Variants in ATP9B observed in about 807,000 individuals in gnomAD.
The protein encoded by ATP9B is ATPase phospholipid transporting 9B, also known as probable phospholipid-transporting ATPase IIB.
ATP9B carries 110 observed loss-of-function variants against 146.1 expected under a neutral mutation model. The ratio of observed to expected loss-of-function variants is 0.75; its 90% CI spans 0.65 to 0.88. The LOEUF (loss-of-function observed/expected upper bound fraction) is 0.88. Ranked by LOEUF, ATP9B falls within the 40% of genes least tolerant of loss-of-function variation. The pLI is 0.00. For missense variants in ATP9B, 1,499 were observed against 1,496.4 expected (o/e 1.00, Z -0.03); for synonymous variants, 604 against 569.7 (o/e 1.06, Z -0.86).
chr18:79,345,295 A>G, intron 21 of ATP9B, 133 bp from the exon 22 acceptor site: 1 of 1,089,664 alleles, frequency 9.2e-7, no homozygotes, highest in Non-Finnish European at 1.3e-6. Context: ...GAAATGATTC[A>G]CAGAAAACTG....
intron 6 of ATP9B, among the ~76,000 whole-genome samples, chr18:79,150,266 G>A (rs1455170787): frequency 6.6e-6 from 1 of 151,838 alleles, no homozygotes; most frequent in Non-Finnish European, 1.5e-5. Context: ...ATTGCTTGTG[G>A]AAATACAAAT....
rs115690305 is a variant in ATP9B, at chr18:79,322,742, T to A, written c.1774-6399T>A. On this transcript the variant is annotated intron_variant, in intron 15 of 29. Transcript: ENST00000426216. ...AGTCAAAATTTGCTAATTTCATTTA[T>A]TTTCAGCAAAAGGAAGACACATCAA... Among the ~76,000 whole-genome samples the A allele has an allele frequency of 6.6e-3, 999 of 152,320 alleles. 5 individuals are homozygous for A. Among genetic ancestry groups the A allele is most frequent in the African/African-American group, 0.022 (934 of 41,560 alleles).
chr18:79,368,145 G>A (rs6506760), intron 26 of ATP9B, among the ~76,000 whole-genome samples: 39,360 of 152,210 alleles, frequency 0.26, 5,892 homozygotes, highest in African/African-American at 0.42. Context: ...GGCTGTCTGC[G>A]CTGCTTCTGC....
In ATP9B at chr18:79,371,370, T is replaced by TAA. The variant is rs59110010; in HGVS notation, c.3013-1425_3013-1424dup. Among the ~76,000 whole-genome samples the TAA allele has an allele frequency of 1.0e-3, 100 of 98,096 alleles. 1 individual carries two copies. Among genetic ancestry groups the TAA allele is most frequent in the Non-Finnish European group, 1.6e-3 (84 of 51,626 alleles). 64.4% of individuals were successfully genotyped at this position (98,096 alleles called of 152,430 possible). On this transcript the variant is annotated intron_variant, in intron 26 of 29. Transcript: ENST00000426216. ...CTGGTGAAAGAGCAAGACTCCGTCT[T>TAA]AAAAAAAAAAAAAAAAAAAAAAAAA... is the stretch of plus-strand genomic sequence containing the variant.
intron 6 of ATP9B, among the ~76,000 whole-genome samples, chr18:79,151,426 T>TA (rs1439337097): frequency 1.3e-5 from 2 of 152,222 alleles, no homozygotes; most frequent in Non-Finnish European, 2.9e-5. Flanking sequence ...GTGTGGTTTT[T>TA]ATCTGTTTTC....
chr18:79,318,007 A>G (rs926274897), intron 15 of ATP9B, among the ~76,000 whole-genome samples: 1 of 152,406 alleles, frequency 6.6e-6, no homozygotes, highest in Admixed American at 6.5e-5. Flanking sequence ...CTGGAACAGC[A>G]TGAGCAGCAA....
Position 79,310,411 on chromosome 18 carries a change from A to G in ATP9B, c.1773+3177A>G, listed in dbSNP as rs1280673623. 2.0e-5 allele frequency among the ~76,000 whole-genome samples: 3 copies of G among 152,252 alleles called. No homozygotes were observed. The South Asian group carries it at 6.2e-4, about 32-fold the overall frequency. ...TTGTAGCCCAAAGAAGACAGAACAGAATAAATAAATGTGTGTTGATAATTG... is the reference window on the plus strand; with the variant it reads ...TTGTAGCCCAAAGAAGACAGAACAGGATAAATAAATGTGTGTTGATAATTG... On this transcript the variant is annotated intron_variant, in intron 15 of 29. Coordinates refer to ENST00000426216, the MANE Select transcript of ATP9B (RefSeq NM_198531.5).
At chr18:79,286,618 C>T (rs2096445383) in intron 13 of ATP9B, among the ~76,000 whole-genome samples, 1 of 152,086 alleles carries the variant, frequency 6.6e-6, no homozygotes. Flanking sequence ...ATTTCCTTCT[C>T]CTGCCTAATT....
chr18:79,244,167 T>TA (rs1256265903), intron 11 of ATP9B, among the ~76,000 whole-genome samples: 9 of 151,976 alleles, frequency 5.9e-5, no homozygotes, highest in African/African-American at 7.3e-5. Flanking sequence ...GCAGTTTCTT[T>TA]AAAAACACAG....
chr18:79,219,908 G>A (rs544030235), intron 11 of ATP9B, among the ~76,000 whole-genome samples: 1 of 152,328 alleles, frequency 6.6e-6, no homozygotes, highest in Admixed American at 6.5e-5. Flanking sequence ...GAAGACGAGA[G>A]CCTAACAATT....
intron 15 of ATP9B, among the ~76,000 whole-genome samples, chr18:79,311,487 C>T (rs969038710): frequency 1.3e-5 from 2 of 152,074 alleles, no homozygotes; most frequent in East Asian, 1.9e-4. Context: ...TCATGGTATT[C>T]GACAAAGTAT....
In ATP9B at chr18:79,336,681, G is replaced by A. The variant is rs746394287; in HGVS notation, c.2082G>A (p.Ala694=). 53 of 1,613,704 alleles carry A rather than the reference G, an allele frequency of 3.3e-5. No homozygotes were observed. The highest frequency in any genetic ancestry group is 1.0e-4 in the Admixed American group (6 of 59,994). ...GLRTLVVAKK[A]LTEEQYQDFE... is the part of the protein sequence containing the mutation. ...GGACCCTCGTGGTTGCAAAGAAGGC[G>A]TTGACAGAGGAGCAGTACCAGGACT... The change falls in exon 18 of 30, where the codon GCG becomes GCA. Residue 694 remains alanine, a synonymous_variant. Transcript: ENST00000426216.
At chr18:79,208,008 G>T (rs1294365916) in intron 10 of ATP9B, among the ~76,000 whole-genome samples, 1 of 152,222 alleles carries the variant, frequency 6.6e-6, no homozygotes, top group Non-Finnish European at 1.5e-5. Flanking sequence ...CACTGTGGGA[G>T]GCCGAGGCGG....
At chr18:79,231,766 ATG>A (rs372427025) in intron 11 of ATP9B, among the ~76,000 whole-genome samples, 2,636 of 133,360 alleles carry the variant, frequency 0.02, 51 homozygotes, top group Admixed American at 0.056. Flanking sequence ...GATAAAGAAA[ATG>A]TGTGTGTGTG....
chr18:79,296,224 C>G (rs2096546790), intron 13 of ATP9B, among the ~76,000 whole-genome samples: 1 of 152,224 alleles, frequency 6.6e-6, no homozygotes. Flanking sequence ...CCGTGTTGCT[C>G]AGGCTGGTCT....
At chr18:79,181,009 C>T (rs1342936228) in intron 8 of ATP9B, among the ~76,000 whole-genome samples, 2 of 151,224 alleles carry the variant, frequency 1.3e-5, no homozygotes, top group African/African-American at 4.9e-5. Flanking sequence ...CGGGGTTTCA[C>T]CATGTTGGCC....
chr18:79,369,180 C>T (rs963718467), intron 26 of ATP9B, among the ~76,000 whole-genome samples: 2 of 152,056 alleles, frequency 1.3e-5, no homozygotes, highest in African/African-American at 4.8e-5. Flanking sequence ...GGGCGGGTCA[C>T]GAGGTCAGGA....
chr18:79,110,383 C>CGAAG lies in ATP9B; in HGVS notation c.323_326dup (p.Leu113ArgfsTer13). Reference sequence around the variant, plus strand: ...CTGTGGTTGGCTGATAAATATTTGTCGAAGAAAGAAAGAGCTGAAAGCTCG... The same window carrying CGAAG: ...CTGTGGTTGGCTGATAAATATTTGTCGAAGGAAGAAAGAAAGAGCTGAAAGCTCG... On this transcript the variant is annotated frameshift_variant, in exon 3 of 30. Coordinates refer to ENST00000426216, the MANE Select transcript of ATP9B (RefSeq NM_198531.5). LOFTEE classifies it high-confidence loss of function. 1 of 1,603,870 alleles carries CGAAG rather than the reference C, an allele frequency of 6.2e-7. No homozygotes were observed. The highest frequency in any genetic ancestry group is 1.1e-5 in the South Asian group (1 of 89,546).
chr18:79,265,689 T>A (rs1367755580), intron 12 of ATP9B, among the ~76,000 whole-genome samples: 1 of 152,146 alleles, frequency 6.6e-6, no homozygotes, highest in Non-Finnish European at 1.5e-5. Flanking sequence ...GTGCAGAGAT[T>A]CTTCAGTTTA....
Sources: allele counts gnomAD v4.1 joint callset (sites outside exome capture counted in the v4.1 genomes callset), GRCh38; gene constraint gnomAD v4.1.1; transcripts MANE v1.5; gene names NCBI Gene and HGNC (gene_info 2026-07-23, HGNC 2026-07-21).